The following LARGE1 variants were observed in gnomAD, a reference collection of about 807,000 sequenced individuals.
The protein encoded by LARGE1 is LARGE xylosyl- and glucuronyltransferase 1, also known as xylosyl- and glucuronyltransferase LARGE1.
LARGE1 carries 43 observed loss-of-function variants against 87.6 expected under a neutral mutation model. The observed-to-expected ratio is 0.49, with a 90% CI of 0.38 to 0.63. LARGE1 has a LOEUF of 0.63. Ranked by LOEUF, LARGE1 falls within the 30% of genes least tolerant of loss-of-function variation. The pLI is 0.00. For synonymous variants in LARGE1, 434 were observed against 394.6 expected (o/e 1.10, Z -1.18); for missense variants, 802 against 1,000.2 (o/e 0.80, Z 2.67).
At chr22:33,421,499 C>T (rs1317122916) in intron 7 of LARGE1, among the ~76,000 whole-genome samples, 1 of 152,146 alleles carries the variant, frequency 6.6e-6, no homozygotes, top group Non-Finnish European at 1.5e-5. Flanking sequence ...AAAATATGAG[C>T]TATAGGATCC....
intron 11 of LARGE1, among the ~76,000 whole-genome samples, chr22:33,174,463 A>G (rs1432004648): frequency 2.0e-5 from 3 of 152,224 alleles, no homozygotes; most frequent in Non-Finnish European, 4.4e-5. Context: ...TTCAAAAGCT[A>G]GCAGAAGACA....
intron 3 of LARGE1, among the ~76,000 whole-genome samples, 157 bp from the exon 4 acceptor site, chr22:33,626,483 C>T (rs184679770): frequency 5.2e-4 from 79 of 152,260 alleles, no homozygotes; most frequent in African/African-American, 1.8e-3. Flanking sequence ...TAACTCAAGA[C>T]AGTTTTATTA....
At chr22:33,504,413 C>T (rs1407272502) in intron 6 of LARGE1, among the ~76,000 whole-genome samples, 1 of 152,170 alleles carries the variant, frequency 6.6e-6, no homozygotes. Flanking sequence ...GTGCCCACCG[C>T]CATCCCCGGC....
intron 11 of LARGE1, among the ~76,000 whole-genome samples, chr22:33,240,931 C>G (rs1463221004): frequency 6.6e-6 from 1 of 152,146 alleles, no homozygotes; most frequent in Non-Finnish European, 1.5e-5. Flanking sequence ...GTGCCTGTTA[C>G]CTCTCCTCTA....
chr22:33,645,795 C>T (rs183297970), intron 3 of LARGE1, among the ~76,000 whole-genome samples: 116 of 152,312 alleles, frequency 7.6e-4, no homozygotes, highest in Middle Eastern at 3.4e-3. Flanking sequence ...TGAAGAGACA[C>T]TTCTCAAAAG....
Position 33,778,892 on chromosome 22 carries a change from C to T in LARGE1, c.-82-17334G>A, listed in dbSNP as rs1018231089. Among the ~76,000 whole-genome samples the T allele has an allele frequency of 1.3e-4, 20 of 152,262 alleles. No homozygotes were observed. The East Asian group carries it at 2.7e-3, about 21-fold the overall frequency. ...TCTCGAACTCTCGACCTCAGGTGATCCACCCGCCTTGGCCTCCCAAAGTGC... is the reference window on the plus strand; with the variant it reads ...TCTCGAACTCTCGACCTCAGGTGATTCACCCGCCTTGGCCTCCCAAAGTGC... On this transcript the variant is annotated intron_variant, in intron 1 of 14. Coordinates refer to ENST00000397394, the MANE Select transcript of LARGE1 (RefSeq NM_133642.5).
intron 7 of LARGE1, among the ~76,000 whole-genome samples, chr22:33,387,803 AT>A (rs1251405283): frequency 6.6e-6 from 1 of 152,222 alleles, no homozygotes; most frequent in Non-Finnish European, 1.5e-5. Flanking sequence ...ATTATGAACT[AT>A]TTCAAAACAA....
At chr22:33,760,999 T>G (rs967489602) in intron 2 of LARGE1, among the ~76,000 whole-genome samples, 1 of 151,768 alleles carries the variant, frequency 6.6e-6, no homozygotes, top group Admixed American at 6.6e-5. Flanking sequence ...ACCACCACGA[T>G]GTTGAATGGG....
exon 12 of LARGE1, chr22:33,165,089 C>A (rs562480305): frequency 1.2e-4 from 19 of 152,252 alleles, no homozygotes; most frequent in African/African-American, 4.6e-4. Flanking sequence ...TATCCCAAAC[C>A]TCAGCATCGT....
chr22:33,401,479 TAAAA>T (rs2065924271), intron 7 of LARGE1, among the ~76,000 whole-genome samples: 1 of 151,794 alleles, frequency 6.6e-6, no homozygotes, highest in Non-Finnish European at 1.5e-5. Context: ...ATAAAAAAAA[TAAAA>T]AGAAAAAGAA....
rs956634229 is a variant in LARGE1 at position 33,538,464 on chromosome 22, A to G, written c.787+26384T>C. On this transcript the variant is annotated intron_variant, in intron 6 of 14. Transcript: ENST00000397394. The stretch of plus-strand genomic sequence containing the variant: ...CATACATATTTCTGAGCTGAATTGA[A>G]GCTAGTTAAAAAATGAATAGCATTA... Among the ~76,000 whole-genome samples, 3 of 152,188 alleles carry G rather than the reference A, an allele frequency of 2.0e-5. No homozygotes were observed. In the South Asian group the frequency reaches 6.2e-4, roughly 32 times the overall value.
At chr22:33,233,960 A>G (rs1334345212) in intron 11 of LARGE1, among the ~76,000 whole-genome samples, 1 of 152,214 alleles carries the variant, frequency 6.6e-6, no homozygotes, top group Admixed American at 6.5e-5. Context: ...ATCTTGCCCT[A>G]TACTTCTGTA....
chr22:33,245,887 C>T (rs1926735032), intron 11 of LARGE1, among the ~76,000 whole-genome samples: 1 of 152,078 alleles, frequency 6.6e-6, no homozygotes, highest in South Asian at 2.1e-4. Context: ...CCAGCCTGGG[C>T]AACAGAACGA....
At chr22:33,164,993 C>G (rs577560792) in exon 12 of LARGE1, 2 of 152,150 alleles carry the variant, frequency 1.3e-5, no homozygotes, top group African/African-American at 4.8e-5. Flanking sequence ...CTATAGACAA[C>G]GGGGACTACT....
At chr22:33,168,917 G>A (rs1922411565) in intron 11 of LARGE1, among the ~76,000 whole-genome samples, 1 of 152,178 alleles carries the variant, frequency 6.6e-6, no homozygotes, top group African/African-American at 2.4e-5. Context: ...ACATAGTAAA[G>A]CAGAAGAACT....
chr22:33,423,185 C>T (rs1292425032), intron 7 of LARGE1, among the ~76,000 whole-genome samples: 1 of 152,152 alleles, frequency 6.6e-6, no homozygotes, highest in African/African-American at 2.4e-5. Flanking sequence ...GTATCAGTAC[C>T]ATTCAGCACT....
chr22:33,752,241 G>T (rs937808745), intron 2 of LARGE1, among the ~76,000 whole-genome samples: 2 of 152,108 alleles, frequency 1.3e-5, no homozygotes, highest in African/African-American at 4.8e-5. Flanking sequence ...GGATCATGGG[G>T]TATGCTTGGC....
chr22:33,111,885 T>C, the LARGE1 span, among the ~76,000 whole-genome samples: 15 of 152,250 alleles, frequency 9.9e-5, no homozygotes, highest in Non-Finnish European at 2.2e-4. Flanking sequence ...CTCCCAGGAA[T>C]GACAGTGGAA....
chr22:33,235,352 G>C (rs1169454497), intron 11 of LARGE1, among the ~76,000 whole-genome samples: 4 of 152,318 alleles, frequency 2.6e-5, no homozygotes, highest in Middle Eastern at 6.8e-3. Flanking sequence ...TTTTGAGGAG[G>C]TAATATTTGC....
Sources: allele counts gnomAD v4.1 joint callset (sites outside exome capture counted in the v4.1 genomes callset), GRCh38; gene constraint gnomAD v4.1.1; transcripts MANE v1.5; gene names NCBI Gene and HGNC (gene_info 2026-07-23, HGNC 2026-07-21).